The following DOCK2 variants were observed in gnomAD, a reference collection of about 807,000 sequenced individuals.
DOCK2 encodes the protein dedicator of cytokinesis protein 2.
DOCK2 carries 87 observed loss-of-function variants against 248.9 expected under a neutral mutation model. The observed-to-expected ratio is 0.35, with a 90% CI of 0.29 to 0.42. The LOEUF (loss-of-function observed/expected upper bound fraction) is 0.42, where lower values mean the gene tolerates loss of function less well. Ranked by LOEUF, DOCK2 falls within the 10% of genes least tolerant of loss-of-function variation. The pLI is 1.00. For missense variants in DOCK2, 1,747 were observed against 2,300.2 expected (o/e 0.76, Z 4.92); for synonymous variants, 805 against 821.6 (o/e 0.98, Z 0.35).
intron 30 of DOCK2, among the ~76,000 whole-genome samples, chr5:170,007,036 A>G (rs546941172): frequency 6.6e-5 from 10 of 152,254 alleles, no homozygotes; most frequent in Non-Finnish European, 1.5e-4. Flanking sequence ...GGCCTATAGT[A>G]AAATTAGATT....
At chr5:170,062,128 T>TGTGTGTGTGA (rs778077276) in intron 44 of DOCK2, among the ~76,000 whole-genome samples, 122 of 137,898 alleles carry the variant, frequency 8.8e-4, no homozygotes, top group African/African-American at 3.2e-3. Flanking sequence ...TGTGTGTGTG[T>TGTGTGTGTGA]GAGAGAGAGA....
chr5:169,833,856 A>AT (rs746664457), intron 26 of DOCK2, among the ~76,000 whole-genome samples: 8 of 152,240 alleles, frequency 5.3e-5, no homozygotes, highest in Non-Finnish European at 1.2e-4. Context: ...GTCCAAGAAG[A>AT]AAGACTTGCA....
intron 35 of DOCK2, among the ~76,000 whole-genome samples, chr5:170,035,949 C>A (rs1756308554): frequency 6.6e-6 from 1 of 152,180 alleles, no homozygotes; most frequent in African/African-American, 2.4e-5. Flanking sequence ...AAGTCCAGGG[C>A]AGCTACTAAT....
At chr5:169,709,566 C>CATAA (rs1561623453) in intron 15 of DOCK2, among the ~76,000 whole-genome samples, 3 of 151,836 alleles carry the variant, frequency 2.0e-5, no homozygotes, top group African/African-American at 7.3e-5. Flanking sequence ...TACATACATA[C>CATAA]ATAAATGAGT....
intron 27 of DOCK2, among the ~76,000 whole-genome samples, chr5:169,843,039 C>G (rs1293226979): frequency 1.3e-5 from 2 of 152,216 alleles, no homozygotes; most frequent in African/African-American, 4.8e-5. Flanking sequence ...CTTCTGTGAT[C>G]TGATCTGGTC....
At chr5:169,835,900 G>A (rs1769547370) in intron 26 of DOCK2, among the ~76,000 whole-genome samples, 1 of 151,838 alleles carries the variant, frequency 6.6e-6, no homozygotes, top group Non-Finnish European at 1.5e-5. Flanking sequence ...GACTACAAGT[G>A]TGCACCACCA....
rs189618611 is a variant in DOCK2, at chr5:169,838,474, T to C, written c.2704-2283T>C. ...CACTAAAGACTGTCAGCTGTGGTTG[T>C]TGCTATAACCATGAACATCATGTTC... On this transcript the variant is annotated intron_variant, in intron 26 of 51. Transcript: ENST00000520908. Among the ~76,000 whole-genome samples the C allele has an allele frequency of 2.2e-3, 331 of 152,294 alleles. 2 individuals are homozygous for C. Among genetic ancestry groups the C allele is most frequent in the African/African-American group, 7.4e-3 (309 of 41,564 alleles).
At chr5:170,009,114 T>C (rs1020270341) in intron 32 of DOCK2, among the ~76,000 whole-genome samples, 15 of 151,958 alleles carry the variant, frequency 9.9e-5, no homozygotes, top group African/African-American at 3.6e-4. Context: ...TATAGCGTGG[T>C]CCACAAAACG....
chr5:169,807,733 C>T (rs778313846), intron 26 of DOCK2, among the ~76,000 whole-genome samples: 2 of 147,576 alleles, frequency 1.4e-5, no homozygotes, highest in African/African-American at 2.5e-5. Context: ...ACTCTGGAGG[C>T]TGAGGCAGGA....
chr5:169,809,091 A>G (rs933975527), intron 26 of DOCK2, among the ~76,000 whole-genome samples: 9 of 152,088 alleles, frequency 5.9e-5, no homozygotes, highest in Admixed American at 5.9e-4. Context: ...TCCTGGCTCA[A>G]GCAATTCTTG....
intron 36 of DOCK2, among the ~76,000 whole-genome samples, chr5:170,039,791 C>T (rs140034144): frequency 6.6e-6 from 1 of 152,180 alleles, no homozygotes; most frequent in African/African-American, 2.4e-5. Flanking sequence ...ACCCTGTGTT[C>T]CCTGGTGTGA....
At chr5:169,848,942 C>T (rs1218571657) in intron 27 of DOCK2, among the ~76,000 whole-genome samples, 1 of 152,146 alleles carries the variant, frequency 6.6e-6, no homozygotes, top group African/African-American at 2.4e-5. Context: ...ACTCCTGGGA[C>T]ACCAAATTGG....
intron 27 of DOCK2, chr5:169,934,823 A>G (rs1042498865): frequency 2.3e-6 from 1 of 428,458 alleles, no homozygotes; most frequent in Non-Finnish European, 4.7e-6. Context: ...AATTGATTGT[A>G]GTGTCATCTG....
At chr5:169,649,296 C>T (rs902219374) in intron 1 of DOCK2, among the ~76,000 whole-genome samples, 3 of 152,166 alleles carry the variant, frequency 2.0e-5, no homozygotes, top group Non-Finnish European at 2.9e-5. Context: ...AGATGAGGTA[C>T]GAATCCATCT....
At chr5:169,816,343 C>A (rs977956343) in intron 26 of DOCK2, among the ~76,000 whole-genome samples, 2 of 152,204 alleles carry the variant, frequency 1.3e-5, no homozygotes, top group African/African-American at 2.4e-5. Flanking sequence ...TGGACATTTT[C>A]TCAGGGAGGT....
intron 27 of DOCK2, among the ~76,000 whole-genome samples, chr5:169,894,069 C>T (rs1044264616): frequency 5.9e-5 from 9 of 152,166 alleles, no homozygotes; most frequent in African/African-American, 2.2e-4. Context: ...GTACTAAAAA[C>T]GACAGACTCC....
In DOCK2 at chr5:170,069,173, G is replaced by A. The variant is rs1456768631; in HGVS notation, c.4681G>A (p.Glu1561Lys). Residue 1561 changes from glutamate to lysine, a missense_variant, in exon 46 of 52, where the codon GAG (glutamate) becomes AAG (lysine). Glu to Lys is a moderately conservative substitution (Grantham distance 56). This residue lies in a region of DOCK2 where 513 missense variants were observed against 586.1 expected (regional missense o/e 0.88). Coordinates refer to ENST00000520908, the MANE Select transcript of DOCK2 (RefSeq NM_004946.3). Reference protein sequence around the residue: ...FTEEYVRDHPEDQDKLTHLKD... With the variant: ...FTEEYVRDHPKDQDKLTHLKD... Reference sequence around the variant, plus strand: ...TGAAGAGTATGTCAGGGACCACCCTGAGGACCAGGACAAGCTGACCCACCT... The same window carrying A: ...TGAAGAGTATGTCAGGGACCACCCTAAGGACCAGGACAAGCTGACCCACCT... 6 of 1,614,094 alleles carry A rather than the reference G, an allele frequency of 3.7e-6. No individual in the cohort carries two copies. Among genetic ancestry groups the A allele is most frequent in the Middle Eastern group, 1.6e-4 (1 of 6,062 alleles).
At chr5:169,849,948 G>A (rs1271124469) in intron 27 of DOCK2, among the ~76,000 whole-genome samples, 1 of 152,178 alleles carries the variant, frequency 6.6e-6, no homozygotes, top group Non-Finnish European at 1.5e-5. Context: ...AATGAAAGAT[G>A]TTTACTGTCT....
In DOCK2 at chr5:169,879,107, G is replaced by A. The variant is rs75007132; in HGVS notation, c.2799+38255G>A. Among the ~76,000 whole-genome samples the A allele has an allele frequency of 2.8e-4, 43 of 152,266 alleles. No individual in the cohort carries two copies. In the East Asian group the frequency reaches 7.9e-3, roughly 28 times the overall value. ...TAGCCTCCAGCTGCTGGAGCCTCTG[G>A]GAAATACCACTTAGGAAACCGTATG... On this transcript the variant is annotated intron_variant, in intron 27 of 51. Transcript: ENST00000520908.
Sources: gnomAD v4.1 joint callset for allele counts (sites outside exome capture counted in the v4.1 genomes callset) on GRCh38, gnomAD v4.1.1 for gene constraint, gnomAD v4.1.1 regional missense constraint, MANE v1.5 for transcripts, NCBI Gene and HGNC (gene_info 2026-07-23, HGNC 2026-07-21) for gene names.